The following AOPEP variants were observed in gnomAD, a reference collection of about 807,000 sequenced individuals.
The protein encoded by AOPEP is aminopeptidase O.
Under a neutral mutation model 98.1 loss-of-function variants are expected in AOPEP, and 77 were observed. The observed-to-expected ratio is 0.78, with a 90% CI of 0.65 to 0.95. The LOEUF is 0.95. AOPEP is among the 40% of genes least tolerant of loss of function. The probability of loss-of-function intolerance (pLI) is 0.00; values close to 1 mark genes in which losing one functional copy is unlikely to be tolerated. For synonymous variants in AOPEP, 346 were observed against 365.3 expected (o/e 0.95, Z 0.60); for missense variants, 1,024 against 1,024.7 (o/e 1.00, Z 0.01).
Position 94,931,821 on chromosome 9 carries a change from T to C in AOPEP, c.1661+3290T>C, listed in dbSNP as rs1027511855. 25 of 1,540,176 alleles carry C rather than the reference T, an allele frequency of 1.6e-5. No homozygotes were observed. In the Middle Eastern group the frequency reaches 5.0e-4, roughly 31 times the overall value. On this transcript the variant is annotated intron_variant, in intron 7 of 16. Transcript: ENST00000375315. ...TAAAAACGCTTTCTTCTTAAAGCAC[T>C]TTCTCCTCCTGGCTTCTGTGTGTCT...
chr9:94,794,297 C>T (rs926915370), intron 4 of AOPEP, among the ~76,000 whole-genome samples: 1 of 152,184 alleles, frequency 6.6e-6, no homozygotes, highest in Non-Finnish European at 1.5e-5. Flanking sequence ...GGATTTTATA[C>T]CCGGCTCAAT....
At chr9:95,094,703 G>C in the AOPEP span, among the ~76,000 whole-genome samples, 1 of 152,118 alleles carries the variant, frequency 6.6e-6, no homozygotes, top group Non-Finnish European at 1.5e-5. Flanking sequence ...GTCTCACTCT[G>C]CTGCCCAAGT....
rs373538271 is a variant in AOPEP, at chr9:94,884,822, C to T, written c.1365-39164C>T. ...GTCAGGAGATCGAGACCATCCTGGC[C>T]AACATGGTGAAACCCGTCTCTATTA... On this transcript the variant is annotated intron_variant, in intron 5 of 16. Transcript: ENST00000375315. Among the ~76,000 whole-genome samples the T allele has an allele frequency of 8.0e-3, 1,161 of 144,676 alleles. 22 individuals carry two copies. Among genetic ancestry groups the T allele is most frequent in the African/African-American group, 0.026 (943 of 36,512 alleles). 94.9% of individuals were successfully genotyped at this position (144,676 alleles called of 152,430 possible).
At chr9:95,091,030 C>T (rs369387462), downstream of AOPEP, among the ~76,000 whole-genome samples, 4 of 152,174 alleles carry the variant, frequency 2.6e-5, no homozygotes, top group South Asian at 4.1e-4. Context: ...CTGCAACAGC[C>T]GGTGGCCGGG....
At chr9:95,089,612 C>T (rs2070838492), downstream of AOPEP, among the ~76,000 whole-genome samples, 3 of 152,214 alleles carry the variant, frequency 2.0e-5, no homozygotes, top group Admixed American at 6.5e-5. Flanking sequence ...ACTGTCTTGT[C>T]ACACTCAGCA....
At chr9:95,064,184 T>C (rs1405657489) in intron 14 of AOPEP, among the ~76,000 whole-genome samples, 1 of 152,172 alleles carries the variant, frequency 6.6e-6, no homozygotes, top group Non-Finnish European at 1.5e-5. Flanking sequence ...AAACTCCAGG[T>C]TGATTGGAAA....
At chr9:94,895,731 A>G (rs1190519152) in intron 5 of AOPEP, among the ~76,000 whole-genome samples, 1 of 151,878 alleles carries the variant, frequency 6.6e-6, no homozygotes, top group Non-Finnish European at 1.5e-5. Context: ...TGATTTTTGT[A>G]CTGTTAGTAG....
At chr9:95,006,130 G>A (rs771802480) in intron 13 of AOPEP, 1 of 470,702 alleles carries the variant, frequency 2.1e-6, no homozygotes, top group Non-Finnish European at 4.4e-6. Flanking sequence ...TAGAATTTCA[G>A]TATGTTACTT....
At chr9:94,863,360 C>A (rs1298394956) in intron 5 of AOPEP, among the ~76,000 whole-genome samples, 9 of 150,704 alleles carry the variant, frequency 6.0e-5, no homozygotes, top group Non-Finnish European at 1.2e-4. Context: ...GGCTCACTGC[C>A]AGCTCTGCCT....
chr9:95,005,178 C>T lies in AOPEP; in HGVS notation c.1998C>T (p.Arg666=), dbSNP rs2061894498. 1.7e-6 allele frequency: 2 copies of T among 1,152,172 alleles called. No individual in the cohort carries two copies. The highest frequency in any genetic ancestry group is 2.1e-6 in the Non-Finnish European group (2 of 933,038). 71.4% of individuals were successfully genotyped at this position (1,152,172 alleles called of 1,614,324 possible). A position where few individuals can be genotyped will look rare whatever the true frequency, so the allele number is the denominator to read the frequency against. ...CGCAGCCGCTGCAGAGGGAGCGTCG[C>T]GCCGGGGCGGAGTGCGGGCTTGCGC... is the stretch of plus-strand genomic sequence containing the variant. ...GIPKPLQRER[R]AGAECGLARQ... is the part of the protein sequence containing the mutation. Residue 666 remains arginine, a synonymous_variant, in exon 12 of 17, where the codon CGC becomes CGT. Transcript: ENST00000375315.
chr9:94,755,730 G>A (rs777719703), intron 1 of AOPEP, among the ~76,000 whole-genome samples: 4 of 152,174 alleles, frequency 2.6e-5, no homozygotes, highest in Non-Finnish European at 5.9e-5. Context: ...CATGAGACCT[G>A]GGAGATGAGA....
chr9:95,001,548 T>C (rs2061558669), intron 11 of AOPEP, among the ~76,000 whole-genome samples: 1 of 152,170 alleles, frequency 6.6e-6, no homozygotes, highest in Non-Finnish European at 1.5e-5. Flanking sequence ...CTACCTTCAT[T>C]GGCATCAGCC....
At chr9:94,757,927 A>G (rs1269710160) in intron 1 of AOPEP, among the ~76,000 whole-genome samples, 1 of 152,242 alleles carries the variant, frequency 6.6e-6, no homozygotes, top group Admixed American at 6.5e-5. Context: ...ATTCAAAATG[A>G]CAGGACAGAA....
chr9:94,885,036 T>G (rs1274447463), intron 5 of AOPEP, among the ~76,000 whole-genome samples: 1 of 131,378 alleles, frequency 7.6e-6, no homozygotes, highest in Admixed American at 7.9e-5. Flanking sequence ...AATCAGACAC[T>G]GGTGCAAAGT....
At chr9:95,103,912 C>A in the AOPEP span, among the ~76,000 whole-genome samples, 1 of 152,194 alleles carries the variant, frequency 6.6e-6, no homozygotes, top group Non-Finnish European at 1.5e-5. Context: ...GAGATAGTGG[C>A]CTTTGCCTTG....
the AOPEP span, among the ~76,000 whole-genome samples, chr9:95,094,155 G>A: frequency 1.3e-5 from 2 of 151,940 alleles, no homozygotes; most frequent in Non-Finnish European, 2.9e-5. Flanking sequence ...AGTGGTTGTT[G>A]GCTGTCGCAT....
intron 1 of AOPEP, among the ~76,000 whole-genome samples, chr9:94,755,377 G>A (rs963061737): frequency 1.2e-4 from 18 of 152,318 alleles, no homozygotes; most frequent in Admixed American, 1.2e-3. Flanking sequence ...CCCTAAATGT[G>A]GGGCTGTGAC....
intron 14 of AOPEP, among the ~76,000 whole-genome samples, chr9:95,071,530 G>A (rs1025394297): frequency 2.7e-4 from 41 of 152,196 alleles, no homozygotes; most frequent in African/African-American, 8.2e-4. Flanking sequence ...GGAGCCATAC[G>A]TGCTTTTCTA....
chr9:94,997,055 G>A (rs2061289863), intron 11 of AOPEP, among the ~76,000 whole-genome samples: 2 of 152,186 alleles, frequency 1.3e-5, no homozygotes, highest in Non-Finnish European at 2.9e-5. Context: ...CATGTTTACA[G>A]TATTGCAGGT....
Sources: gnomAD v4.1 joint callset for allele counts (sites outside exome capture counted in the v4.1 genomes callset) on GRCh38, gnomAD v4.1.1 for gene constraint, MANE v1.5 for transcripts, NCBI Gene and HGNC (gene_info 2026-07-23, HGNC 2026-07-21) for gene names.